PPP4R4: variants seen among roughly 807,000 people sequenced by gnomAD.
PPP4R4 encodes protein phosphatase 4 regulatory subunit 4, also known as serine/threonine-protein phosphatase 4 regulatory subunit 4.
PPP4R4 carries 70 observed loss-of-function variants against 121.8 expected under a neutral mutation model. The ratio of observed to expected loss-of-function variants is 0.57; its 90% confidence interval spans 0.47 to 0.70. The LOEUF is 0.70. PPP4R4 is among the 30% of genes least tolerant of loss of function. PPP4R4 has a pLI of 0.00. For missense variants in PPP4R4, 875 were observed against 1,033.6 expected, an observed-to-expected ratio of 0.85 and a Z score of 2.10; for synonymous variants, 348 against 355.7, an observed-to-expected ratio of 0.98 and a Z score of 0.24.
At chr14:94,263,878 A>G (rs1427991126) in intron 19 of PPP4R4, among the ~76,000 whole-genome samples, 1 of 151,574 alleles carries the variant, frequency 6.6e-6, no homozygotes, top group African/African-American at 2.4e-5. Context: ...TTTTCTCCAT[A>G]TTTTTCCTTA....
rs531380270 is a variant in PPP4R4 at position 94,202,839 on chromosome 14, C to T, written c.192-5625C>T. 3.3e-5 allele frequency among the ~76,000 whole-genome samples: 5 copies of T among 152,010 alleles called. 1 individual carries two copies. Among genetic ancestry groups the T allele is most frequent in the South Asian group, 4.2e-4 (2 of 4,814 alleles). On this transcript the variant is annotated intron_variant, in intron 2 of 24. Transcript: ENST00000304338. ...TAAAAAATAAAAACAAAATATTGGC[C>T]GGGCGTGGTGGCACGTGCCTGTAAT...
chr14:94,272,230 A>C (rs1213406156), intron 23 of PPP4R4, among the ~76,000 whole-genome samples: 1 of 152,250 alleles, frequency 6.6e-6, no homozygotes, highest in Non-Finnish European at 1.5e-5. Flanking sequence ...ACAAAGCTAG[A>C]AGATTGACAC....
chr14:94,187,370 C>G (rs543402897), intron 2 of PPP4R4, among the ~76,000 whole-genome samples: 1 of 152,252 alleles, frequency 6.6e-6, no homozygotes, highest in East Asian at 1.9e-4. Flanking sequence ...TTCATTCCAA[C>G]TTTCTTTTGG....
At position 94,278,708 on chromosome 14, in the gene PPP4R4, G is replaced by A. The variant is rs781686961; in HGVS notation, c.*65G>A. 22 of 1,435,740 alleles carry A rather than the reference G, an allele frequency of 1.5e-5. No homozygotes were observed. The highest frequency in any genetic ancestry group is 1.9e-5 in the Non-Finnish European group (21 of 1,077,432). The allele number at this position is 1,435,740 out of a possible 1,614,324, so 88.9% of individuals were successfully genotyped here. A position where few individuals can be genotyped will look rare whatever the true frequency, so the allele number is the denominator to read the frequency against. ...GAGATAATGTGATTGGTACACAAAA[G>A]CTAAAGCAGTGGCTGGGGCTTTGTT... On this transcript the variant is annotated 3_prime_UTR_variant, in exon 25 of 25. Coordinates refer to ENST00000304338, the MANE Select transcript of PPP4R4 (RefSeq NM_058237.2).
chr14:94,178,475 A>G (rs912125748), intron 2 of PPP4R4, among the ~76,000 whole-genome samples: 1 of 151,498 alleles, frequency 6.6e-6, no homozygotes, highest in Non-Finnish European at 1.5e-5. Flanking sequence ...ATGTGTAAGC[A>G]TCAGTAAGCA....
intron 5 of PPP4R4, 47 bp from the exon 6 acceptor site, chr14:94,233,606 G>T: frequency 8.3e-7 from 1 of 1,199,286 alleles, no homozygotes; most frequent in Non-Finnish European, 1.2e-6. Context: ...TGAGTGGCAT[G>T]AATGTATAAA....
chr14:94,208,149 G>A (rs1312312986), intron 2 of PPP4R4, among the ~76,000 whole-genome samples: 1 of 151,962 alleles, frequency 6.6e-6, no homozygotes, highest in East Asian at 1.9e-4. Context: ...AGGAAAAAAT[G>A]AGGTAGAATT....
At chr14:94,215,218 G>T (rs1890958681) in intron 3 of PPP4R4, among the ~76,000 whole-genome samples, 1 of 152,106 alleles carries the variant, frequency 6.6e-6, no homozygotes, top group Non-Finnish European at 1.5e-5. Context: ...TCATTTTACA[G>T]TTCGGAAAAT....
At chr14:94,193,675 T>C (rs1334653730) in intron 2 of PPP4R4, among the ~76,000 whole-genome samples, 4 of 152,038 alleles carry the variant, frequency 2.6e-5, no homozygotes, top group Non-Finnish European at 4.4e-5. Flanking sequence ...AGAAGGTTAA[T>C]AGGTTAGAAA....
At chr14:94,192,816 C>CTT (rs1889672425) in intron 2 of PPP4R4, among the ~76,000 whole-genome samples, 1 of 152,094 alleles carries the variant, frequency 6.6e-6, no homozygotes, top group Non-Finnish European at 1.5e-5. Context: ...GGTGTCCAGG[C>CTT]TAGGAAAAGA....
chr14:94,175,213 C>T (rs1888612747), intron 1 of PPP4R4, among the ~76,000 whole-genome samples: 1 of 151,660 alleles, frequency 6.6e-6, no homozygotes, highest in African/African-American at 2.4e-5. Context: ...TCGAGGTAGC[C>T]CGGCCTCCCC....
At chr14:94,232,246 C>CA (rs1892078032) in intron 5 of PPP4R4, among the ~76,000 whole-genome samples, 1 of 152,090 alleles carries the variant, frequency 6.6e-6, no homozygotes, top group Non-Finnish European at 1.5e-5. Context: ...TTCCTATATA[C>CA]ATTTCTTTCC....
chr14:94,242,209 A>G, intron 10 of PPP4R4, 80 bp from the exon 11 acceptor site: 1 of 1,467,110 alleles, frequency 6.8e-7, no homozygotes, highest in Non-Finnish European at 9.3e-7. Flanking sequence ...TTTCAATTTA[A>G]GTGAAACGAT....
At chr14:94,192,001 C>T (rs992248369) in intron 2 of PPP4R4, among the ~76,000 whole-genome samples, 1 of 151,952 alleles carries the variant, frequency 6.6e-6, no homozygotes, top group African/African-American at 2.4e-5. Flanking sequence ...TTTTCCTGAG[C>T]ATCAGTAAGG....
chr14:94,248,351 A>G (rs1452870101), intron 14 of PPP4R4, among the ~76,000 whole-genome samples: 2 of 152,186 alleles, frequency 1.3e-5, no homozygotes, highest in Admixed American at 1.3e-4. Context: ...CATCTAACCA[A>G]GGAGGCGAAA....
intron 14 of PPP4R4, among the ~76,000 whole-genome samples, chr14:94,247,996 T>C (rs4900223): frequency 0.19 from 29,396 of 151,962 alleles, 3,362 homozygotes; most frequent in East Asian, 0.59. Flanking sequence ...CCCTTGAGAA[T>C]TGGAACAAGA....
At chr14:94,276,738 A>G (rs1002896347) in intron 24 of PPP4R4, among the ~76,000 whole-genome samples, 2 of 152,156 alleles carry the variant, frequency 1.3e-5, no homozygotes, top group Non-Finnish European at 2.9e-5. Flanking sequence ...CAAACATCCA[A>G]ACTATGTGTA....
chr14:94,230,015 A>G (rs1891926090), intron 3 of PPP4R4, among the ~76,000 whole-genome samples: 2 of 152,220 alleles, frequency 1.3e-5, no homozygotes, highest in South Asian at 4.1e-4. Context: ...ATGACTATGA[A>G]TATAATTAAT....
At chr14:94,181,646 G>T (rs1407433255) in intron 2 of PPP4R4, among the ~76,000 whole-genome samples, 1 of 152,106 alleles carries the variant, frequency 6.6e-6, no homozygotes, top group Non-Finnish European at 1.5e-5. Flanking sequence ...AGTTGAACAA[G>T]AATTTAAATT....
Sources: allele counts gnomAD v4.1 joint callset (sites outside exome capture counted in the v4.1 genomes callset), GRCh38; gene constraint gnomAD v4.1.1; transcripts MANE v1.5; gene names NCBI Gene and HGNC (gene_info 2026-07-23, HGNC 2026-07-21).